FSTL4: variants seen among roughly 807,000 people sequenced by gnomAD.
The protein encoded by FSTL4 is follistatin-related protein 4.
FSTL4 carries 28 observed loss-of-function variants against 78.2 expected under a neutral mutation model. The ratio of observed to expected loss-of-function variants is 0.36; its 90% CI spans 0.27 to 0.49. FSTL4 has a LOEUF of 0.49. Ranked by LOEUF, FSTL4 falls within the 20% of genes least tolerant of loss-of-function variation. FSTL4 has a pLI of 0.98. For missense variants in FSTL4, 922 were observed against 1,084.9 expected (o/e 0.85, Z 2.11); for synonymous variants, 422 against 440.5 (o/e 0.96, Z 0.53).
At chr5:133,829,040 G>C in the FSTL4 span, among the ~76,000 whole-genome samples, 12 of 152,166 alleles carry the variant, frequency 7.9e-5, no homozygotes, top group Admixed American at 5.2e-4. Context: ...TGGGACCTCC[G>C]AAAGGCACCA....
At chr5:133,512,402 G>A (rs533839429) in intron 3 of FSTL4, among the ~76,000 whole-genome samples, 2 of 152,324 alleles carry the variant, frequency 1.3e-5, no homozygotes, top group South Asian at 4.1e-4. Flanking sequence ...TACTTAGAGG[G>A]CTTGGATCTC....
At chr5:133,678,563 G>A in the FSTL4 span, among the ~76,000 whole-genome samples, 1,945 of 82,520 alleles carry the variant, frequency 0.024, 48 homozygotes, top group African/African-American at 0.071. Context: ...GTGTTTGAGC[G>A]TGTGTGTGTG....
At chr5:133,242,327 AAG>A (rs528321858) in intron 7 of FSTL4, among the ~76,000 whole-genome samples, 236 of 152,256 alleles carry the variant, frequency 1.6e-3, no homozygotes, top group Non-Finnish European at 2.6e-3. Flanking sequence ...TGTAGTGGCC[AAG>A]AGAGGCACCA....
intron 3 of FSTL4, among the ~76,000 whole-genome samples, chr5:133,445,461 G>A (rs1024088086): frequency 3.3e-5 from 5 of 152,186 alleles, no homozygotes; most frequent in Non-Finnish European, 5.9e-5. Flanking sequence ...GTCACCTATG[G>A]GCCGGCTGCC....
intron 3 of FSTL4, among the ~76,000 whole-genome samples, chr5:133,407,021 G>A (rs1213794450): frequency 6.6e-6 from 1 of 152,188 alleles, no homozygotes; most frequent in Non-Finnish European, 1.5e-5. Flanking sequence ...CTCATGCCTG[G>A]AGGATCTAGA....
rs150360420 is a variant in FSTL4, at chr5:133,365,235, A to AAATAAT, written c.409+35497_409+35502dup. On this transcript the variant is annotated intron_variant, in intron 4 of 15. Coordinates refer to ENST00000265342, the MANE Select transcript of FSTL4 (RefSeq NM_015082.2). ...TGGTCATGGCAAAAGTTAATTTCTA[A>AAATAAT]AATAATAATAATAATAATAATAATA... Among the ~76,000 whole-genome samples, 373 of 150,966 alleles carry AAATAAT rather than the reference A, an allele frequency of 2.5e-3. 1 individual carries two copies. Among genetic ancestry groups the AAATAAT allele is most frequent in the Non-Finnish European group, 4.2e-3 (285 of 67,744 alleles).
the FSTL4 span, among the ~76,000 whole-genome samples, chr5:133,784,433 A>T: frequency 6.6e-6 from 1 of 152,230 alleles, no homozygotes; most frequent in Non-Finnish European, 1.5e-5. Flanking sequence ...CCTGGGGAGA[A>T]CACCCCATTC....
chr5:133,630,191 G>A, the FSTL4 span, among the ~76,000 whole-genome samples: 1 of 152,266 alleles, frequency 6.6e-6, no homozygotes, highest in East Asian at 1.9e-4. Flanking sequence ...CAAATAGGAA[G>A]AGAGGAAGTC....
At chr5:133,621,959 C>T in the FSTL4 span, among the ~76,000 whole-genome samples, 37,419 of 151,976 alleles carry the variant, frequency 0.25, 5,949 homozygotes, top group African/African-American at 0.46. Flanking sequence ...AACCAGGTAA[C>T]TGACATGTAT....
At chr5:133,747,184 C>T in the FSTL4 span, among the ~76,000 whole-genome samples, 1 of 152,230 alleles carries the variant, frequency 6.6e-6, no homozygotes, top group Non-Finnish European at 1.5e-5. Flanking sequence ...CTGCCCTTTG[C>T]AGCAGTGGGT....
rs190130651 is a variant in FSTL4, at chr5:133,270,532, C to T, written c.728-20956G>A. ...GTTACAATAATGGCAAAATACATTCCGGACTAAATTTGATAGGACGTGGGG... is the reference window on the plus strand; with the variant it reads ...GTTACAATAATGGCAAAATACATTCTGGACTAAATTTGATAGGACGTGGGG... On this transcript the variant is annotated intron_variant, in intron 6 of 15. Transcript: ENST00000265342. Among the ~76,000 whole-genome samples the T allele has an allele frequency of 2.0e-3, 310 of 152,262 alleles. 1 individual carries two copies. Among genetic ancestry groups the T allele is most frequent in the Middle Eastern group, 0.014 (4 of 294 alleles).
intron 4 of FSTL4, among the ~76,000 whole-genome samples, chr5:133,390,770 C>A (rs988444591): frequency 6.6e-6 from 1 of 152,220 alleles, no homozygotes; most frequent in Non-Finnish European, 1.5e-5. Flanking sequence ...GCCTCCTGAT[C>A]CCCCTCATTT....
intron 4 of FSTL4, among the ~76,000 whole-genome samples, chr5:133,341,561 TC>T (rs1347782799): frequency 1.3e-5 from 2 of 151,892 alleles, no homozygotes; most frequent in Non-Finnish European, 2.9e-5. Flanking sequence ...CAGGAACCCT[TC>T]CCCCTCTCTG....
chr5:133,735,478 A>C, the FSTL4 span, among the ~76,000 whole-genome samples: 1 of 151,948 alleles, frequency 6.6e-6, no homozygotes, highest in Admixed American at 6.6e-5. Flanking sequence ...ACAAACAAAA[A>C]ACAGGCCACA....
intron 3 of FSTL4, among the ~76,000 whole-genome samples, chr5:133,448,068 G>A (rs1029844843): frequency 6.6e-6 from 1 of 152,180 alleles, no homozygotes; most frequent in African/African-American, 2.4e-5. Context: ...AGTAGCCGTG[G>A]TTTAGTCTTT....
the FSTL4 span, among the ~76,000 whole-genome samples, chr5:133,686,610 G>A: frequency 9.9e-5 from 15 of 152,192 alleles, no homozygotes; most frequent in Middle Eastern, 3.2e-3. Context: ...ATCCACACAC[G>A]TTCTGTCAAT....
At chr5:133,692,843 T>G in the FSTL4 span, among the ~76,000 whole-genome samples, 1 of 152,180 alleles carries the variant, frequency 6.6e-6, no homozygotes, top group African/African-American at 2.4e-5. Context: ...CAAATATCAC[T>G]TCCTCAGGGG....
At chr5:133,498,546 C>T (rs538690653) in intron 3 of FSTL4, among the ~76,000 whole-genome samples, 2 of 152,160 alleles carry the variant, frequency 1.3e-5, no homozygotes, top group South Asian at 4.2e-4. Context: ...TGGTGAAACC[C>T]AGTCTCTACT....
chr5:133,778,953 C>T, the FSTL4 span, among the ~76,000 whole-genome samples: 2 of 152,202 alleles, frequency 1.3e-5, no homozygotes, highest in African/African-American at 4.8e-5. Flanking sequence ...GGTAAAAAGG[C>T]ACCAACAAGG....
Sources: gnomAD v4.1 joint callset for allele counts (sites outside exome capture counted in the v4.1 genomes callset) on GRCh38, gnomAD v4.1.1 for gene constraint, MANE v1.5 for transcripts, NCBI Gene and HGNC (gene_info 2026-07-23, HGNC 2026-07-21) for gene names.